Variants in RPH3A observed in about 807,000 individuals in gnomAD.
RPH3A encodes the protein rabphilin 3A, also known as rabphilin-3A.
A neutral mutation model predicts 102.2 loss-of-function variants in RPH3A; 48 were observed. That is an observed-to-expected ratio of 0.47 (90% confidence interval 0.37 to 0.60). The LOEUF (loss-of-function observed/expected upper bound fraction) is 0.60, where lower values mean the gene tolerates loss of function less well. Among genes scored for constraint, RPH3A ranks in the 20% least tolerant of loss-of-function variants. RPH3A has a pLI of 0.00. For missense variants in RPH3A, 781 were observed against 910.1 expected, an observed-to-expected ratio of 0.86 and a Z score of 1.83; for synonymous variants, 310 against 324.3, an observed-to-expected ratio of 0.96 and a Z score of 0.47.
intron 1 of RPH3A, among the ~76,000 whole-genome samples, chr12:112,779,492 C>T (rs1234997699): frequency 6.6e-6 from 1 of 152,126 alleles, no homozygotes. Context: ...CTCATGGCCA[C>T]TATATAATAA....
upstream of RPH3A, among the ~76,000 whole-genome samples, chr12:112,788,629 G>T (rs1044565862): frequency 2.4e-4 from 36 of 152,214 alleles, no homozygotes; most frequent in Non-Finnish European, 3.7e-4. Context: ...AGTACAATGC[G>T]TGACACATGG....
At chr12:112,776,613 G>A (rs1370741827) in intron 1 of RPH3A, among the ~76,000 whole-genome samples, 9 of 152,224 alleles carry the variant, frequency 5.9e-5, no homozygotes, top group African/African-American at 1.7e-4. Context: ...AATGGCTCAC[G>A]CCTGTAATCC....
intron 2 of RPH3A, among the ~76,000 whole-genome samples, chr12:112,812,817 T>C (rs966961224): frequency 1.2e-4 from 19 of 152,228 alleles, no homozygotes; most frequent in Non-Finnish European, 2.2e-4. Context: ...GAACTACAGC[T>C]CTGGCCTTCT....
intron 1 of RPH3A, among the ~76,000 whole-genome samples, chr12:112,664,539 G>A (rs1019999760): frequency 1.3e-5 from 2 of 152,162 alleles, no homozygotes; most frequent in African/African-American, 4.8e-5. Context: ...TTTACTAGAA[G>A]CCTGGAAGAG....
chr12:112,729,911 A>G (rs2040621293), intron 1 of RPH3A, among the ~76,000 whole-genome samples: 1 of 152,216 alleles, frequency 6.6e-6, no homozygotes, highest in Admixed American at 6.5e-5. Flanking sequence ...TTGCAGATAT[A>G]ATTCATTCCA....
chr12:112,784,802 AG>A (rs746998570), intron 1 of RPH3A, among the ~76,000 whole-genome samples: 5 of 152,222 alleles, frequency 3.3e-5, no homozygotes, highest in Non-Finnish European at 5.9e-5. Context: ...TATTTGTTAC[AG>A]GCTAGAAACA....
At chr12:112,801,875 T>C (rs1433454369) in intron 2 of RPH3A, among the ~76,000 whole-genome samples, 1 of 152,196 alleles carries the variant, frequency 6.6e-6, no homozygotes, top group Non-Finnish European at 1.5e-5. Flanking sequence ...TTCAAAACAG[T>C]ATTTTTATAG....
chr12:112,788,207 G>A (rs781407809), upstream of RPH3A, among the ~76,000 whole-genome samples: 31 of 152,240 alleles, frequency 2.0e-4, no homozygotes, highest in Non-Finnish European at 3.7e-4. Flanking sequence ...TTCCTAGATG[G>A]CATGGTGACC....
At chr12:112,610,678 C>G (rs1652452266) in intron 1 of RPH3A, among the ~76,000 whole-genome samples, 1 of 151,962 alleles carries the variant, frequency 6.6e-6, no homozygotes, top group Non-Finnish European at 1.5e-5. Context: ...GTTGCCCAGG[C>G]TGGAGTGCAG....
At chr12:112,734,321 G>A (rs140332410) in intron 1 of RPH3A, among the ~76,000 whole-genome samples, 3 of 152,310 alleles carry the variant, frequency 2.0e-5, no homozygotes, top group Non-Finnish European at 4.4e-5. Flanking sequence ...ACCTAAGTGT[G>A]TAGTCAGCTA....
At chr12:112,787,047 A>T (rs1486078062), upstream of RPH3A, among the ~76,000 whole-genome samples, 1 of 150,766 alleles carries the variant, frequency 6.6e-6, no homozygotes, top group Non-Finnish European at 1.5e-5. Context: ...ACCTCTCCCT[A>T]CCTCTCTTTC....
At chr12:112,877,393 C>T (rs1246814849) in intron 13 of RPH3A, among the ~76,000 whole-genome samples, 3 of 150,332 alleles carry the variant, frequency 2.0e-5, no homozygotes, top group Admixed American at 6.7e-5. Flanking sequence ...CAGGGATACG[C>T]ACACACGTAT....
At chr12:112,701,474 G>A (rs921211277) in intron 1 of RPH3A, among the ~76,000 whole-genome samples, 3 of 152,344 alleles carry the variant, frequency 2.0e-5, no homozygotes, top group African/African-American at 7.2e-5. Flanking sequence ...GCTATGAGAA[G>A]GTGGGTGGTA....
At chr12:112,884,775 A>G (rs11609969) in intron 16 of RPH3A, among the ~76,000 whole-genome samples, 10,725 of 152,334 alleles carry the variant, frequency 0.07, 455 homozygotes, top group Non-Finnish European at 0.1. Flanking sequence ...AAATGCACAT[A>G]TAAATGCACA....
intron 3 of RPH3A, among the ~76,000 whole-genome samples, 170 bp downstream of exon 3, chr12:112,828,559 T>C (rs553233523): frequency 6.6e-6 from 1 of 152,274 alleles, no homozygotes; most frequent in South Asian, 2.1e-4. Flanking sequence ...TTTTGCGAGG[T>C]TGGAGGAACA....
At chr12:112,773,541 T>C (rs527744505) in intron 1 of RPH3A, among the ~76,000 whole-genome samples, 2 of 152,308 alleles carry the variant, frequency 1.3e-5, no homozygotes, top group South Asian at 4.1e-4. Flanking sequence ...TTAGTTTTCA[T>C]TTGCTACTTT....
At chr12:112,712,925 C>CTTCTGCTTCTTCT (rs1565856803) in intron 1 of RPH3A, among the ~76,000 whole-genome samples, 1 of 94,528 alleles carries the variant, frequency 1.1e-5, no homozygotes, top group African/African-American at 4.6e-5. Flanking sequence ...CTTCTTCTTC[C>CTTCTGCTTCTTCT]TCTTCTTCTT....
intron 2 of RPH3A, among the ~76,000 whole-genome samples, chr12:112,816,971 G>A (rs2041683431): frequency 1.3e-5 from 2 of 152,138 alleles, no homozygotes; most frequent in African/African-American, 4.8e-5. Flanking sequence ...ATTTTGAGGT[G>A]GGTTCTGTTT....
chr12:112,869,647 A>G, intron 8 of RPH3A, 112 bp from the exon 9 acceptor site: 1 of 1,039,708 alleles, frequency 9.6e-7, no homozygotes, highest in South Asian at 1.5e-5. Flanking sequence ...TTTAATTTTT[A>G]AAACATATTC....
Sources: gnomAD v4.1 joint callset for allele counts (sites outside exome capture counted in the v4.1 genomes callset) on GRCh38, gnomAD v4.1.1 for gene constraint, MANE v1.5 for transcripts, NCBI Gene and HGNC (gene_info 2026-07-23, HGNC 2026-07-21) for gene names.